Variants in BAALC observed in about 807,000 individuals in gnomAD.
BAALC encodes the protein BAALC binder of MAP3K1 and KLF4, also known as brain and acute leukemia cytoplasmic protein.
Under a neutral mutation model 15.5 loss-of-function variants are expected in BAALC, and 9 were observed. The ratio of observed to expected loss-of-function variants is 0.58; its 90% CI spans 0.35 to 1.02. The LOEUF is 1.02. Ranked by LOEUF, BAALC falls within the 50% of genes least tolerant of loss-of-function variation. The pLI is 0.02. For missense variants in BAALC, 201 were observed against 192.4 expected, an observed-to-expected ratio of 1.04 and a Z score of -0.27; for synonymous variants, 80 against 74.6, an observed-to-expected ratio of 1.07 and a Z score of -0.37.
intron 1 of BAALC, among the ~76,000 whole-genome samples, chr8:103,152,259 C>G (rs1007557931): frequency 6.6e-6 from 1 of 152,098 alleles, no homozygotes; most frequent in Non-Finnish European, 1.5e-5. Flanking sequence ...ATTGTTTACT[C>G]TGCTCTGTTT....
At chr8:103,218,209 C>G (rs1318566854) in intron 2 of BAALC, among the ~76,000 whole-genome samples, 3 of 152,060 alleles carry the variant, frequency 2.0e-5, no homozygotes, top group Non-Finnish European at 4.4e-5. Context: ...CCCTCCAATC[C>G]CCCCGCCTTA....
intron 1 of BAALC, among the ~76,000 whole-genome samples, chr8:103,184,970 GA>G (rs1811800045): frequency 6.6e-6 from 1 of 152,166 alleles, no homozygotes. Flanking sequence ...CTGTAAAGGA[GA>G]GATCTGTCCT....
chr8:103,197,411 G>A (rs1361498437), intron 1 of BAALC, among the ~76,000 whole-genome samples: 1 of 152,010 alleles, frequency 6.6e-6, no homozygotes, highest in South Asian at 2.1e-4. Flanking sequence ...AGTAGAGCTG[G>A]GAATCAAATT....
chr8:103,176,663 T>A (rs1811613786), intron 1 of BAALC, among the ~76,000 whole-genome samples: 1 of 152,184 alleles, frequency 6.6e-6, no homozygotes, highest in African/African-American at 2.4e-5. Context: ...TGGAAACCTC[T>A]GCCCTGTGCT....
intron 1 of BAALC, among the ~76,000 whole-genome samples, chr8:103,207,386 AT>A (rs1812354308): frequency 6.6e-6 from 1 of 152,172 alleles, no homozygotes; most frequent in Non-Finnish European, 1.5e-5. Flanking sequence ...AAACCAGTAA[AT>A]TTTTAGAGAA....
chr8:103,142,810 A>G (rs1156869702), intron 1 of BAALC, among the ~76,000 whole-genome samples: 1 of 152,134 alleles, frequency 6.6e-6, no homozygotes, highest in Non-Finnish European at 1.5e-5. Flanking sequence ...TTACTCTGCC[A>G]TACTAATTCA....
At chr8:103,189,848 G>A (rs1811927163) in intron 1 of BAALC, among the ~76,000 whole-genome samples, 2 of 152,188 alleles carry the variant, frequency 1.3e-5, no homozygotes, top group Admixed American at 1.3e-4. Context: ...CGGTGTGAGG[G>A]AGAAAGACAT....
chr8:103,159,897 C>T (rs541052552), intron 1 of BAALC, among the ~76,000 whole-genome samples: 28 of 152,168 alleles, frequency 1.8e-4, no homozygotes, highest in Non-Finnish European at 1.5e-4. Flanking sequence ...CTGCTTGTTG[C>T]TACTGGGTTG....
intron 1 of BAALC, among the ~76,000 whole-genome samples, chr8:103,158,820 A>C (rs1811159656): frequency 6.6e-6 from 1 of 152,158 alleles, no homozygotes; most frequent in South Asian, 2.1e-4. Flanking sequence ...TTTTCCATTT[A>C]ATATTTTTGG....
At chr8:103,201,985 A>G (rs1812227206) in intron 1 of BAALC, among the ~76,000 whole-genome samples, 1 of 152,236 alleles carries the variant, frequency 6.6e-6, no homozygotes, top group African/African-American at 2.4e-5. Context: ...GAATCTATAC[A>G]TGTCTATGCA....
At chr8:103,185,590 T>C (rs1236505079) in intron 1 of BAALC, among the ~76,000 whole-genome samples, 1 of 152,256 alleles carries the variant, frequency 6.6e-6, no homozygotes. Context: ...GAGTAACATA[T>C]GGGGCTCTGC....
chr8:103,166,862 A>G (rs528854372), intron 1 of BAALC, among the ~76,000 whole-genome samples: 73 of 152,312 alleles, frequency 4.8e-4, no homozygotes, highest in African/African-American at 1.7e-3. Context: ...GCCCAAAGTG[A>G]CTTCACTTGG....
intron 1 of BAALC, among the ~76,000 whole-genome samples, chr8:103,150,674 T>C (rs112788303): frequency 6.6e-6 from 1 of 152,250 alleles, no homozygotes; most frequent in Non-Finnish European, 1.5e-5. Flanking sequence ...CAGTCTTCAC[T>C]TGTGGTGATG....
At chr8:103,186,188 G>A (rs1429487438) in intron 1 of BAALC, among the ~76,000 whole-genome samples, 1 of 152,166 alleles carries the variant, frequency 6.6e-6, no homozygotes, top group African/African-American at 2.4e-5. Flanking sequence ...GGATGTCCAG[G>A]AGTTGCTTCC....
intron 1 of BAALC, among the ~76,000 whole-genome samples, chr8:103,159,217 T>G (rs891746204): frequency 6.6e-6 from 1 of 152,184 alleles, no homozygotes; most frequent in Non-Finnish European, 1.5e-5. Flanking sequence ...TCAGGTTATA[T>G]CTTGTTTTTT....
intron 1 of BAALC, among the ~76,000 whole-genome samples, chr8:103,190,348 G>A (rs1312178134): frequency 6.6e-6 from 1 of 151,856 alleles, no homozygotes; most frequent in Non-Finnish European, 1.5e-5. Context: ...GTTCCACTCC[G>A]CCCCCATCCC....
In BAALC at chr8:103,227,595, TTTATC is replaced by T. The variant is rs1368250542; in HGVS notation, c.328-389_328-385del. On this transcript the variant is annotated intron_variant, in intron 2 of 2. Coordinates refer to ENST00000309982, the MANE Select transcript of BAALC (RefSeq NM_024812.3). The stretch of plus-strand genomic sequence containing the variant: ...TACTCATTAACTATTCTATGTTTCT[TTTATC>T]TTATGTAAAAAATGCAAGTTCATTG... Among the ~76,000 whole-genome samples, 43 of 152,320 alleles carry T rather than the reference TTTATC, an allele frequency of 2.8e-4. 1 individual carries two copies. The highest frequency in any genetic ancestry group is 9.9e-4 in the African/African-American group (41 of 41,576).
chr8:103,226,439 T>C (rs1037249436), intron 2 of BAALC, among the ~76,000 whole-genome samples: 9 of 152,348 alleles, frequency 5.9e-5, no homozygotes, highest in African/African-American at 2.2e-4. Context: ...TGGAGGCTAC[T>C]TGCTGACTGT....
chr8:103,198,299 CT>C (rs1812140012), intron 1 of BAALC: 2 of 538,754 alleles, frequency 3.7e-6, no homozygotes, highest in Admixed American at 7.3e-5. Context: ...GATATAATAA[CT>C]AAAAAATAAA....
Sources: gnomAD v4.1 joint callset for allele counts (sites outside exome capture counted in the v4.1 genomes callset) on GRCh38, gnomAD v4.1.1 for gene constraint, MANE v1.5 for transcripts, NCBI Gene and HGNC (gene_info 2026-07-23, HGNC 2026-07-21) for gene names.